SCN7A: variants seen among roughly 807,000 people sequenced by gnomAD.
The protein encoded by SCN7A is sodium voltage-gated channel alpha subunit 7, also known as sodium channel protein type 7 subunit alpha.
In SCN7A, 138 loss-of-function variants were observed where a neutral mutation model predicts 155.2. That is an observed-to-expected ratio of 0.89 (90% CI 0.77 to 1.02). SCN7A has a LOEUF of 1.02. SCN7A is among the 50% of genes least tolerant of loss of function. SCN7A has a pLI of 0.00. For missense variants in SCN7A, 2,058 were observed against 1,986.6 expected (o/e 1.04, Z -0.68); for synonymous variants, 693 against 649.0 (o/e 1.07, Z -1.03).
At position 166,406,349 on chromosome 2, in the gene SCN7A, A is replaced by G; in HGVS notation, c.4280T>C (p.Leu1427Pro). ...FETFGNSMLC[L>P]FQVAIFAGWD... is the part of the protein sequence containing the mutation. ...ACCAGCAAATATTGCAACTTGAAAA[A>G]GACAGAGCATACTGTTGCCAAAGGT... Residue 1427 changes from leucine to proline, a missense_variant, in exon 26 of 26, where the codon CTT becomes CCT. Coordinates refer to ENST00000643258, the MANE Select transcript of SCN7A (RefSeq NM_002976.4). 2 of 1,613,200 alleles carry G rather than the reference A, an allele frequency of 1.2e-6. No individual in the cohort carries two copies. The highest frequency in any genetic ancestry group is 1.7e-6 in the Non-Finnish European group (2 of 1,179,408).
rs1429699626 is a variant in SCN7A, at chr2:166,405,823, C to A, written c.4806G>T (p.Gly1602=). The A allele has an allele frequency of 1.2e-6, 2 of 1,613,094 alleles. No individual in the cohort carries two copies. The highest frequency in any genetic ancestry group is 1.1e-5 in the South Asian group (1 of 91,060). The change falls in exon 26 of 26, where the codon GGG becomes GGT. Residue 1602 remains glycine (G), a synonymous_variant. Transcript: ENST00000643258. ...MEKVVSEIES[G]FLLANPFKIT... is the part of the protein sequence containing the mutation. ...TCTTAAAAGGGTTGGCTAACAAAAA[C>A]CCTGATTCTATTTCTGAAACAACTT...
chr2:166,441,629 CAG>C lies in SCN7A; in HGVS notation c.1922_1923del (p.Ser641CysfsTer10), dbSNP rs942041287. 5.6e-6 allele frequency: 9 copies of C among 1,613,740 alleles called. No individual in the cohort carries two copies. The Admixed American group carries it at 1.2e-4, about 21-fold the overall frequency. ...VLLLFTFIFF[S>X]AAFGMKLFGK... is the part of the protein sequence containing the mutation. Reference sequence around the variant, plus strand: ...CCAAACAGCTTCATGCCGAATGCAGCAGAAAAGAAGATGAATGTGAACAACAA... The same window carrying C: ...CCAAACAGCTTCATGCCGAATGCAGCAAAAGAAGATGAATGTGAACAACAA... On this transcript the variant is annotated frameshift_variant, in exon 15 of 26. Coordinates refer to ENST00000643258, the MANE Select transcript of SCN7A (RefSeq NM_002976.4). LOFTEE classifies it high-confidence loss of function.
Position 166,415,223 on chromosome 2 carries a change from C to CT in SCN7A, c.3414+1483dup, listed in dbSNP as rs573283624. ...CAGAGACAGTATTTAACTTTTGTCTCTTTTTTTTTTTTTTTTCTTTGAGAG... is the reference window on the plus strand; with the variant it reads ...CAGAGACAGTATTTAACTTTTGTCTCTTTTTTTTTTTTTTTTTCTTTGAGAG... On this transcript the variant is annotated intron_variant, in intron 21 of 25. Coordinates refer to ENST00000643258, the MANE Select transcript of SCN7A (RefSeq NM_002976.4). 5.4e-3 allele frequency among the ~76,000 whole-genome samples: 733 copies of CT among 135,804 alleles called. 11 individuals carry two copies. Among genetic ancestry groups the CT allele is most frequent in the African/African-American group, 0.016 (588 of 36,840 alleles). 89.1% of individuals were successfully genotyped at this position (135,804 alleles called of 152,430 possible).
chr2:166,470,709 G>A lies in SCN7A; in HGVS notation c.573-3C>T. Reference sequence around the variant, plus strand: ...GAGGTGAGTATCTTATAATAACCCTGTGGAATTAAATTAGAGTTACTTAAA... The same window carrying A: ...GAGGTGAGTATCTTATAATAACCCTATGGAATTAAATTAGAGTTACTTAAA... On this transcript the variant is annotated splice_polypyrimidine_tract_variant and splice_region_variant and intron_variant, in intron 6 of 25. Coordinates refer to ENST00000643258, the MANE Select transcript of SCN7A (RefSeq NM_002976.4). 1 of 1,595,864 alleles carries A rather than the reference G, an allele frequency of 6.3e-7. No individual in the cohort carries two copies. The highest frequency in any genetic ancestry group is 8.5e-7 in the Non-Finnish European group (1 of 1,170,356).
chr2:166,465,776 C>A lies in SCN7A; in HGVS notation c.871+5G>T. ...TTTTGATATACATGGCAAGGTGATT[C>A]TTACCTCGAATATAATATGGGTTTC... is the stretch of plus-strand genomic sequence containing the variant. On this transcript the variant is annotated splice_donor_5th_base_variant and intron_variant, in intron 8 of 25. Coordinates refer to ENST00000643258, the MANE Select transcript of SCN7A (RefSeq NM_002976.4). 1.2e-6 allele frequency: 2 copies of A among 1,613,392 alleles called. No individual in the cohort carries two copies. Among genetic ancestry groups the A allele is most frequent in the Non-Finnish European group, 1.7e-6 (2 of 1,179,474 alleles).
chr2:166,468,905 A>G (rs1702594631), intron 7 of SCN7A, among the ~76,000 whole-genome samples: 1 of 151,520 alleles, frequency 6.6e-6, no homozygotes. Context: ...TCCACGATGT[A>G]TGTTTCTTGC....
chr2:166,471,715 C>T (rs546252686), intron 6 of SCN7A, among the ~76,000 whole-genome samples: 1 of 105,504 alleles, frequency 9.5e-6, no homozygotes, highest in Admixed American at 1.1e-4. Flanking sequence ...ATGAAGCATT[C>T]CAGAAAATGT....
chr2:166,470,748 CT>C (rs1269004309), intron 6 of SCN7A, 42 bp from the exon 7 acceptor site: 4 of 1,524,556 alleles, frequency 2.6e-6, no homozygotes, highest in Non-Finnish European at 1.8e-6. Flanking sequence ...CATATTACAT[CT>C]GTGCTACTTA....
chr2:166,461,452 T>C (rs1702407504), intron 10 of SCN7A, among the ~76,000 whole-genome samples: 1 of 152,174 alleles, frequency 6.6e-6, no homozygotes, highest in Non-Finnish European at 1.5e-5. Context: ...TAGTTACGAA[T>C]ACAGACTCTC....
In SCN7A at chr2:166,461,671, A is replaced by G. The variant is rs564493630; in HGVS notation, c.1083+718T>C. 2 of 152,344 alleles carry G rather than the reference A, an allele frequency of 1.3e-5. 1 individual carries two copies. The highest frequency in any genetic ancestry group is 3.9e-4 in the East Asian group (2 of 5,192). The allele number at this position is 152,344 out of a possible 1,614,324, so 9.4% of individuals were successfully genotyped here. On this transcript the variant is annotated intron_variant, in intron 10 of 25. Coordinates refer to ENST00000643258, the MANE Select transcript of SCN7A (RefSeq NM_002976.4). ...TAATACCTAGATATGTTCTTTAGTG[A>G]TTACCAAATGCATAATATCATAGGC...
At chr2:166,451,011 G>A (rs1314147016) in intron 11 of SCN7A, among the ~76,000 whole-genome samples, 3 of 152,104 alleles carry the variant, frequency 2.0e-5, no homozygotes, top group Admixed American at 6.5e-5. Flanking sequence ...ATGACACTGT[G>A]TGACATATTG....
In SCN7A at chr2:166,405,429, G is replaced by A. The variant is rs1701045178; in HGVS notation, c.*151C>T. On this transcript the variant is annotated 3_prime_UTR_variant, in exon 26 of 26. Transcript: ENST00000643258. ...GATTTGTTAGATATAATGCTAAAAAGTGAATTTGGCATGAAGTCTTGTGAA... is the reference window on the plus strand; with the variant it reads ...GATTTGTTAGATATAATGCTAAAAAATGAATTTGGCATGAAGTCTTGTGAA... 3 of 609,276 alleles carry A rather than the reference G, an allele frequency of 4.9e-6. No individual in the cohort carries two copies. Among genetic ancestry groups the A allele is most frequent in the South Asian group, 4.7e-5 (2 of 42,728 alleles). 37.7% of individuals were successfully genotyped at this position (609,276 alleles called of 1,614,324 possible). A position where few individuals can be genotyped will look rare whatever the true frequency, so the allele number is the denominator to read the frequency against.
chr2:166,427,272 C>A (rs1437184301), intron 18 of SCN7A, among the ~76,000 whole-genome samples: 1 of 152,032 alleles, frequency 6.6e-6, no homozygotes, highest in East Asian at 1.9e-4. Flanking sequence ...CTTGTAGAAC[C>A]ATTTAATGTG....
chr2:166,467,674 G>A lies in SCN7A; in HGVS notation c.665-1687C>T, dbSNP rs1458033509. 2.6e-5 allele frequency among the ~76,000 whole-genome samples: 4 copies of A among 151,476 alleles called. No individual in the cohort carries two copies. In the Middle Eastern group the frequency reaches 0.01, roughly 386 times the overall value. ...CATTAGTATATACTAATTATATTTT[G>A]TTAGAAAGTTCCGGGTCTTACACCA... On this transcript the variant is annotated intron_variant, in intron 7 of 25. Coordinates refer to ENST00000643258, the MANE Select transcript of SCN7A (RefSeq NM_002976.4).
chr2:166,441,243 T>C (rs567266542), intron 15 of SCN7A, 153 bp downstream of exon 15: 51 of 541,244 alleles, frequency 9.4e-5, no homozygotes, highest in African/African-American at 9.3e-4. Context: ...GAACTAATCA[T>C]ATATCAGTTG....
Position 166,414,331 on chromosome 2 carries a change from T to G in SCN7A, c.3415-1210A>C, listed in dbSNP as rs1452850947. ...ATATATACACATATATATATATATATGAAGGAAGTAGAGATGCAAGTAAAT... is the reference window on the plus strand; with the variant it reads ...ATATATACACATATATATATATATAGGAAGGAAGTAGAGATGCAAGTAAAT... On this transcript the variant is annotated intron_variant, in intron 21 of 25. Coordinates refer to ENST00000643258, the MANE Select transcript of SCN7A (RefSeq NM_002976.4). 5.3e-5 allele frequency among the ~76,000 whole-genome samples: 6 copies of G among 112,228 alleles called. No homozygotes were observed. In the East Asian group the frequency reaches 1.5e-3, roughly 27 times the overall value. 73.6% of individuals were successfully genotyped at this position (112,228 alleles called of 152,430 possible).
intron 21 of SCN7A, chr2:166,414,556 G>C (rs1701318542): frequency 7.1e-6 from 1 of 140,316 alleles, no homozygotes; most frequent in African/African-American, 2.6e-5. Context: ...ATCTTACCAG[G>C]CTTCGGAATA....
chr2:166,407,998 T>C (rs1364827483), intron 25 of SCN7A, among the ~76,000 whole-genome samples: 1 of 152,004 alleles, frequency 6.6e-6, no homozygotes, highest in East Asian at 1.9e-4. Context: ...TGTTTCAGTT[T>C]TCAGAGGATG....
intron 7 of SCN7A, among the ~76,000 whole-genome samples, chr2:166,468,137 T>G (rs1413765700): frequency 6.6e-6 from 1 of 152,094 alleles, no homozygotes; most frequent in Non-Finnish European, 1.5e-5. Flanking sequence ...CATTTCTCTA[T>G]TCTTACTTCT....
Sources: gnomAD v4.1 joint callset for allele counts (sites outside exome capture counted in the v4.1 genomes callset) on GRCh38, gnomAD v4.1.1 for gene constraint, MANE v1.5 for transcripts, NCBI Gene and HGNC (gene_info 2026-07-23, HGNC 2026-07-21) for gene names.